NPSR1: variants seen among roughly 807,000 people sequenced by gnomAD.
NPSR1 encodes the protein neuropeptide S receptor 1.
Under a neutral mutation model 46.9 loss-of-function variants are expected in NPSR1, and 48 were observed. The ratio of observed to expected loss-of-function variants is 1.02; its 90% confidence interval spans 0.81 to 1.30. The LOEUF (loss-of-function observed/expected upper bound fraction) is 1.30, where lower values mean the gene tolerates loss of function less well. NPSR1 is among the 50% of genes most tolerant of loss of function. The pLI is 0.00. For missense variants in NPSR1, 450 were observed against 449.5 expected (o/e 1.00, Z -0.01); for synonymous variants, 176 against 168.1 (o/e 1.05, Z -0.36).
At chr7:34,805,551 T>C (rs1584062358) in intron 3 of NPSR1, among the ~76,000 whole-genome samples, 2 of 147,714 alleles carry the variant, frequency 1.4e-5, no homozygotes, top group East Asian at 2.0e-4. Flanking sequence ...GTTTAGATCA[T>C]AGATATAACA....
At chr7:34,712,032 C>A (rs532172493) in intron 2 of NPSR1, among the ~76,000 whole-genome samples, 2 of 152,340 alleles carry the variant, frequency 1.3e-5, no homozygotes, top group East Asian at 1.9e-4. Context: ...ATGATCTGAT[C>A]TCTATTTCCC....
At chr7:34,849,438 G>A (rs1248828569) in intron 8 of NPSR1, 127 bp from the exon 9 acceptor site, 3 of 1,591,700 alleles carry the variant, frequency 1.9e-6, no homozygotes, top group Admixed American at 1.8e-5. Flanking sequence ...GGTATTACAT[G>A]TAAAGTGCCT....
At chr7:34,664,703 T>C (rs1791652619) in intron 1 of NPSR1, among the ~76,000 whole-genome samples, 1 of 152,180 alleles carries the variant, frequency 6.6e-6, no homozygotes, top group Admixed American at 6.5e-5. Flanking sequence ...CATCCTGATA[T>C]TATGTCTAGC....
intron 4 of NPSR1, 72 bp downstream of exon 4, chr7:34,811,935 T>C (rs751345398): frequency 1.4e-5 from 13 of 911,796 alleles, no homozygotes; most frequent in Non-Finnish European, 2.3e-5. Flanking sequence ...TTTTCACTAA[T>C]ATTTTACTCT....
At chr7:34,793,432 A>C (rs1464504375) in intron 3 of NPSR1, among the ~76,000 whole-genome samples, 1 of 152,188 alleles carries the variant, frequency 6.6e-6, no homozygotes, top group Non-Finnish European at 1.5e-5. Context: ...ATATATATAC[A>C]AAAGAAGACA....
chr7:34,754,443 G>A (rs1338544720), intron 2 of NPSR1, among the ~76,000 whole-genome samples: 1 of 151,824 alleles, frequency 6.6e-6, no homozygotes, highest in African/African-American at 2.4e-5. Context: ...AGTATCAGCT[G>A]ATGAATTTTC....
chr7:34,840,676 G>T lies in NPSR1; in HGVS notation c.758-4220G>T, dbSNP rs939572658. 2.8e-4 allele frequency among the ~76,000 whole-genome samples: 42 copies of T among 152,208 alleles called. 2 individuals are homozygous for T. On this transcript the variant is annotated intron_variant, in intron 6 of 8. Coordinates refer to ENST00000360581, the MANE Select transcript of NPSR1 (RefSeq NM_207172.2). ...ACAATGTGGCTTTGAAGTGACTGTG[G>T]CTGTGGAGCATCTGCTGCCCAGCCG...
At chr7:34,676,669 CTG>C (rs1214209745) in intron 1 of NPSR1, among the ~76,000 whole-genome samples, 1 of 152,188 alleles carries the variant, frequency 6.6e-6, no homozygotes, top group Non-Finnish European at 1.5e-5. Context: ...CACACTCTAC[CTG>C]TTTTATTCTC....
intron 3 of NPSR1, among the ~76,000 whole-genome samples, chr7:34,792,686 TA>T (rs1362084047): frequency 0.015 from 1,759 of 118,558 alleles, 62 homozygotes; most frequent in African/African-American, 0.039. Context: ...TATATATATA[TA>T]TGTATATATA....
At chr7:34,754,216 C>A (rs745479007) in intron 2 of NPSR1, among the ~76,000 whole-genome samples, 1 of 151,934 alleles carries the variant, frequency 6.6e-6, no homozygotes, top group African/African-American at 2.4e-5. Flanking sequence ...AACTTGCTCT[C>A]GGGAAATAAA....
intron 1 of NPSR1, among the ~76,000 whole-genome samples, chr7:34,678,382 C>T (rs1236781190): frequency 6.6e-6 from 1 of 151,966 alleles, no homozygotes; most frequent in Non-Finnish European, 1.5e-5. Flanking sequence ...CCACCACGAC[C>T]AGCTAATTGC....
At chr7:34,658,954 G>T (rs1467157788) in intron 1 of NPSR1, among the ~76,000 whole-genome samples, 1 of 152,168 alleles carries the variant, frequency 6.6e-6, no homozygotes, top group South Asian at 2.1e-4. Context: ...GATGCGGAAA[G>T]CTCACAATCC....
At chr7:34,818,732 T>C (rs1335114408) in intron 4 of NPSR1, among the ~76,000 whole-genome samples, 3 of 152,030 alleles carry the variant, frequency 2.0e-5, no homozygotes, top group Admixed American at 2.0e-4. Context: ...TATAGACCAA[T>C]GGAACAGAAC....
At chr7:34,802,087 C>T (rs1788446574) in intron 3 of NPSR1, among the ~76,000 whole-genome samples, 2 of 149,654 alleles carry the variant, frequency 1.3e-5, no homozygotes, top group Admixed American at 6.6e-5. Flanking sequence ...AATGGAAGAA[C>T]ATTCCATGCT....
chr7:34,728,212 T>C (rs751179057), intron 2 of NPSR1, among the ~76,000 whole-genome samples: 12 of 152,122 alleles, frequency 7.9e-5, no homozygotes, highest in Non-Finnish European at 1.5e-4. Context: ...GAGATACCCA[T>C]CAAAACTTCA....
intron 6 of NPSR1, among the ~76,000 whole-genome samples, chr7:34,841,732 A>C (rs941243280): frequency 2.0e-5 from 3 of 152,212 alleles, no homozygotes; most frequent in African/African-American, 7.2e-5. Context: ...ACTGTCACCC[A>C]GTTGCCCTGT....
intron 3 of NPSR1, among the ~76,000 whole-genome samples, chr7:34,793,983 T>C (rs1345091942): frequency 6.6e-6 from 1 of 152,122 alleles, no homozygotes; most frequent in Non-Finnish European, 1.5e-5. Context: ...AGAAAACTAC[T>C]GCATGATTTC....
At chr7:34,692,709 G>C (rs1793328716) in intron 2 of NPSR1, among the ~76,000 whole-genome samples, 1 of 152,032 alleles carries the variant, frequency 6.6e-6, no homozygotes, top group South Asian at 2.1e-4. Flanking sequence ...ACAAAGATCA[G>C]AGCACAATGA....
At chr7:34,707,590 G>A (rs574702381) in intron 2 of NPSR1, among the ~76,000 whole-genome samples, 2 of 152,316 alleles carry the variant, frequency 1.3e-5, no homozygotes, top group East Asian at 3.9e-4. Flanking sequence ...ATGGTTCCAG[G>A]TGCTAAGGAC....
Sources: allele counts gnomAD v4.1 joint callset (sites outside exome capture counted in the v4.1 genomes callset), GRCh38; gene constraint gnomAD v4.1.1; transcripts MANE v1.5; gene names NCBI Gene and HGNC (gene_info 2026-07-23, HGNC 2026-07-21).